GPR107: variants seen among roughly 807,000 people sequenced by gnomAD.
The protein encoded by GPR107 is G protein-coupled receptor 107, also known as protein GPR107.
In GPR107, 31 loss-of-function variants were observed where a neutral mutation model predicts 75.5. That is an observed-to-expected ratio of 0.41 (90% confidence interval 0.31 to 0.55). The LOEUF (loss-of-function observed/expected upper bound fraction) is 0.55. Among genes scored for constraint, GPR107 ranks in the 20% least tolerant of loss-of-function variants. GPR107 has a pLI of 0.26. For synonymous variants in GPR107, 267 were observed against 251.3 expected, an observed-to-expected ratio of 1.06 and a Z score of -0.59; for missense variants, 572 against 665.7, an observed-to-expected ratio of 0.86 and a Z score of 1.55.
intron 16 of GPR107, 115 bp from the exon 17 acceptor site, chr9:130,128,525 A>G (rs1831741012): frequency 1.1e-6 from 1 of 875,756 alleles, no homozygotes; most frequent in Non-Finnish European, 1.8e-6. Context: ...GCATCTGAGT[A>G]AAGAACCATC....
chr9:130,100,879 T>C (rs3824540), intron 11 of GPR107, among the ~76,000 whole-genome samples, 177 bp downstream of exon 11: 48,012 of 152,132 alleles, frequency 0.32, 7,765 homozygotes, highest in Non-Finnish European at 0.38. Context: ...AAGTCGGGCT[T>C]AGTGGCATAC....
chr9:130,080,180 G>T (rs1017003029), intron 5 of GPR107, among the ~76,000 whole-genome samples: 1 of 152,234 alleles, frequency 6.6e-6, no homozygotes, highest in South Asian at 2.1e-4. Context: ...TTCCATTTTT[G>T]TGTGATTATG....
intron 14 of GPR107, among the ~76,000 whole-genome samples, chr9:130,111,145 C>T (rs1831289823): frequency 6.6e-6 from 1 of 152,100 alleles, no homozygotes; most frequent in Non-Finnish European, 1.5e-5. Context: ...GTGTGAGCCA[C>T]TGCATCTGGC....
At chr9:130,130,698 C>T (rs2132658009) in intron 17 of GPR107, among the ~76,000 whole-genome samples, 1 of 152,160 alleles carries the variant, frequency 6.6e-6, no homozygotes, top group East Asian at 1.9e-4. Flanking sequence ...GGTGAAACCC[C>T]ATCTCTACTA....
intron 14 of GPR107, among the ~76,000 whole-genome samples, chr9:130,123,974 A>C (rs1831613915): frequency 6.6e-6 from 1 of 152,186 alleles, no homozygotes; most frequent in African/African-American, 2.4e-5. Context: ...AGTGTCCCTC[A>C]TTAGTGCATT....
At chr9:130,079,040 C>T (rs12347946) in intron 4 of GPR107, among the ~76,000 whole-genome samples, 203 of 152,310 alleles carry the variant, frequency 1.3e-3, no homozygotes, top group Middle Eastern at 0.01. Flanking sequence ...CTCATTGCAT[C>T]CTCCACCTCC....
intron 1 of GPR107, among the ~76,000 whole-genome samples, chr9:130,072,465 T>C (rs981874271): frequency 3.3e-5 from 5 of 152,072 alleles, no homozygotes; most frequent in Admixed American, 2.0e-4. Context: ...GTGATCTGCC[T>C]GCCTCGGCCT....
chr9:130,076,356 G>A, intron 2 of GPR107, 56 bp from the exon 3 acceptor site: 1 of 1,083,254 alleles, frequency 9.2e-7, no homozygotes, highest in Non-Finnish European at 1.4e-6. Flanking sequence ...TTTTGAGTAA[G>A]AAAAGTATGG....
chr9:130,087,919 T>C (rs1330346851), intron 7 of GPR107, among the ~76,000 whole-genome samples: 1 of 152,090 alleles, frequency 6.6e-6, no homozygotes, highest in Non-Finnish European at 1.5e-5. Context: ...TGTCTCAATA[T>C]TTCTGTGTTT....
rs1254050710 is a variant in GPR107 at position 130,131,631 on chromosome 9, A to G, written c.1562+2870A>G. Among the ~76,000 whole-genome samples, 3 of 151,166 alleles carry G rather than the reference A, an allele frequency of 2.0e-5. 1 individual carries two copies. The highest frequency in any genetic ancestry group is 2.0e-4 in the Admixed American group (3 of 15,210). ...CCTGCTCCGCGTCACCTCAGCCTTG[A>G]AGCCACAGTCTTCCTGCATCACACC... is the stretch of plus-strand genomic sequence containing the variant. On this transcript the variant is annotated intron_variant, in intron 17 of 17. Transcript: ENST00000347136.
At chr9:130,072,832 T>A (rs1830245758) in intron 1 of GPR107, among the ~76,000 whole-genome samples, 1 of 152,042 alleles carries the variant, frequency 6.6e-6, no homozygotes, top group East Asian at 1.9e-4. Context: ...GCCTAGCAGG[T>A]TTCCATTCTG....
At chr9:130,110,765 G>C (rs1373022240) in intron 14 of GPR107, among the ~76,000 whole-genome samples, 2 of 144,652 alleles carry the variant, frequency 1.4e-5, no homozygotes, top group Admixed American at 6.9e-5. Flanking sequence ...TGTGAAGCTT[G>C]CGGGAAAGCG....
chr9:130,119,500 C>T (rs1733408196), intron 14 of GPR107, among the ~76,000 whole-genome samples: 1 of 152,224 alleles, frequency 6.6e-6, no homozygotes, highest in African/African-American at 2.4e-5. Flanking sequence ...ATCGTTACTT[C>T]TGCCTTAACA....
chr9:130,058,835 A>G (rs910671682), intron 1 of GPR107, among the ~76,000 whole-genome samples: 1 of 152,050 alleles, frequency 6.6e-6, no homozygotes, highest in East Asian at 1.9e-4. Flanking sequence ...GCCATGTGTC[A>G]GTAATTCATT....
At position 130,137,797 on chromosome 9, in the gene GPR107, T is replaced by C. The variant is rs1306; in HGVS notation, c.*2676T>C. 53,570 of 152,186 alleles carry C rather than the reference T, an allele frequency of 0.35. 10,325 individuals are homozygous for C. The highest frequency in any genetic ancestry group is 0.43 in the Non-Finnish European group (29,163 of 68,018). The allele number at this position is 152,186 out of a possible 1,614,324, so 9.4% of individuals were successfully genotyped here. On this transcript the variant is annotated 3_prime_UTR_variant, in exon 18 of 18. Coordinates refer to ENST00000347136, the MANE Select transcript of GPR107 (RefSeq NM_020960.5). ...TCACAGTCCACTGGGTTCGTTGTCA[T>C]GCGGTGTTTGAATGGTTAAGCCCTT...
At chr9:130,063,230 G>T (rs528468808) in intron 1 of GPR107, among the ~76,000 whole-genome samples, 3 of 150,340 alleles carry the variant, frequency 2.0e-5, no homozygotes, top group Non-Finnish European at 4.4e-5. Flanking sequence ...TCGCTCTGTC[G>T]CCCAGGCTGG....
At chr9:130,058,526 G>A (rs946144658) in intron 1 of GPR107, among the ~76,000 whole-genome samples, 6 of 151,446 alleles carry the variant, frequency 4.0e-5, no homozygotes, top group South Asian at 2.1e-4. Flanking sequence ...GCGCAATGGC[G>A]TTATCTCGGC....
intron 9 of GPR107, 55 bp downstream of exon 9, chr9:130,092,436 T>C (rs1830763969): frequency 6.8e-7 from 1 of 1,476,836 alleles, no homozygotes; most frequent in African/African-American, 1.4e-5. Context: ...ATAATGTCAC[T>C]GTTTGTTGGC....
intron 1 of GPR107, among the ~76,000 whole-genome samples, chr9:130,066,398 TGGTGATGATGAC>T (rs1483345668): frequency 1.5e-4 from 5 of 32,714 alleles, no homozygotes; most frequent in African/African-American, 3.0e-4. Context: ...ATGATGATGA[TGGTGATGATGAC>T]GACGATGATG....
Sources: gnomAD v4.1 joint callset for allele counts (sites outside exome capture counted in the v4.1 genomes callset) on GRCh38, gnomAD v4.1.1 for gene constraint, MANE v1.5 for transcripts, NCBI Gene and HGNC (gene_info 2026-07-23, HGNC 2026-07-21) for gene names.